Variants in CCDC85A observed in about 807,000 individuals in gnomAD.
CCDC85A encodes the protein coiled-coil domain-containing protein 85A.
Under a neutral mutation model 50.2 loss-of-function variants are expected in CCDC85A, and 38 were observed. That is an observed-to-expected ratio of 0.76 (90% CI 0.58 to 0.99). The LOEUF is 0.99. CCDC85A is among the 50% of genes least tolerant of loss of function. The pLI is 0.00. For synonymous variants in CCDC85A, 366 were observed against 301.4 expected (o/e 1.21, Z -2.22); for missense variants, 820 against 742.0 (o/e 1.11, Z -1.22).
Position 56,192,165 on chromosome 2 carries a change from A to T in CCDC85A, c.277-312A>T, listed in dbSNP as rs1234027500. On this transcript the variant is annotated intron_variant, in intron 1 of 5. Transcript: ENST00000407595. This position sits in a 1 kb window ranked among gnomAD's most constrained non-coding sequence, Gnocchi z 4.7. ...TTGGATGACATAATGCAAGTAAAGT[A>T]TTGTGCAGGGATAGAACTGATACTT... 6.6e-6 allele frequency among the ~76,000 whole-genome samples: 1 copy of T among 152,130 alleles called. No individual in the cohort carries two copies. The highest frequency in any genetic ancestry group is 1.5e-5 in the Non-Finnish European group (1 of 68,030).
intron 2 of CCDC85A, among the ~76,000 whole-genome samples, chr2:56,295,926 C>G (rs1392945691): frequency 6.6e-6 from 1 of 152,190 alleles, no homozygotes. Context: ...TTCTGCAAAT[C>G]TAGCTGACAG....
intron 3 of CCDC85A, among the ~76,000 whole-genome samples, chr2:56,363,015 A>G (rs975853590): frequency 1.3e-5 from 2 of 152,120 alleles, no homozygotes; most frequent in Non-Finnish European, 2.9e-5. Context: ...ATTTTGTTTT[A>G]ACTCTCTGTG....
intron 2 of CCDC85A, among the ~76,000 whole-genome samples, chr2:56,250,301 T>C (rs1173088755): frequency 6.6e-6 from 1 of 152,246 alleles, no homozygotes. Flanking sequence ...CCCTATGCTG[T>C]AATTGGCACA....
intron 3 of CCDC85A, among the ~76,000 whole-genome samples, chr2:56,367,779 A>G (rs1675874079): frequency 6.6e-6 from 1 of 152,194 alleles, no homozygotes; most frequent in Admixed American, 6.5e-5. Flanking sequence ...AAATATGTTG[A>G]CAAGCAAAGC....
intron 2 of CCDC85A, among the ~76,000 whole-genome samples, chr2:56,193,997 A>AT (rs564618275): frequency 3.7e-4 from 56 of 152,108 alleles, no homozygotes; most frequent in East Asian, 2.5e-3. Flanking sequence ...TACCTTAAGG[A>AT]TTTTTTTTCC....
rs1482884370 is a variant in CCDC85A, at chr2:56,184,747, C to A, written c.123C>A (p.Asp41Glu). The stretch of plus-strand genomic sequence containing the variant: ...TGGAGGACCTGTCCAAAGTGTCGGA[C>A]GAGGAGCTGCTGCAGTGGAGCAAGG... ...APVEDLSKVSDEELLQWSKEE... is the reference protein window; with the variant it reads ...APVEDLSKVSEEELLQWSKEE... The change falls in exon 1 of 6, where the codon GAC (aspartate) becomes GAA (glutamate). Residue 41 changes from aspartate (D) to glutamate (E), a missense_variant. Transcript: ENST00000407595. The A allele has an allele frequency of 3.9e-6, 6 of 1,543,796 alleles. No homozygotes were observed. The Admixed American group carries it at 9.8e-5, about 25-fold the overall frequency.
At chr2:56,292,485 C>G (rs911118560) in intron 2 of CCDC85A, among the ~76,000 whole-genome samples, 1 of 152,214 alleles carries the variant, frequency 6.6e-6, no homozygotes, top group Admixed American at 6.5e-5. Context: ...ACCTATAGAC[C>G]CCTCTGCCTT....
chr2:56,312,088 A>G (rs1000274743), intron 2 of CCDC85A, among the ~76,000 whole-genome samples: 1 of 152,146 alleles, frequency 6.6e-6, no homozygotes, highest in African/African-American at 2.4e-5. Context: ...CTATCTTTGA[A>G]TGAAGCGAAG....
chr2:56,307,067 G>C (rs117584579), intron 2 of CCDC85A, among the ~76,000 whole-genome samples: 1 of 151,918 alleles, frequency 6.6e-6, no homozygotes, highest in Non-Finnish European at 1.5e-5. Context: ...AAAAATTCAG[G>C]AACTACAGCC....
chr2:56,315,301 C>G (rs1488480711), intron 2 of CCDC85A, among the ~76,000 whole-genome samples: 1 of 152,080 alleles, frequency 6.6e-6, no homozygotes, highest in Non-Finnish European at 1.5e-5. Context: ...GGATAAATAA[C>G]TAAAGAACAG....
At chr2:56,336,207 T>A (rs771729556) in intron 2 of CCDC85A, among the ~76,000 whole-genome samples, 1 of 151,952 alleles carries the variant, frequency 6.6e-6, no homozygotes, top group Non-Finnish European at 1.5e-5. Context: ...CAGGCTGGAG[T>A]GCAATGACAC....
At chr2:56,303,418 A>G (rs994037005) in intron 2 of CCDC85A, among the ~76,000 whole-genome samples, 1 of 152,150 alleles carries the variant, frequency 6.6e-6, no homozygotes, top group African/African-American at 2.4e-5. Flanking sequence ...ACAGTACAGC[A>G]CAGAGTAAGT....
chr2:56,338,606 A>G (rs1674199613), intron 2 of CCDC85A, among the ~76,000 whole-genome samples: 1 of 152,066 alleles, frequency 6.6e-6, no homozygotes, highest in African/African-American at 2.4e-5. Context: ...ACTTTATTTT[A>G]TTCTATTTTA....
intron 2 of CCDC85A, among the ~76,000 whole-genome samples, chr2:56,296,241 C>A (rs573447110): frequency 6.6e-6 from 1 of 152,092 alleles, no homozygotes; most frequent in African/African-American, 2.4e-5. Flanking sequence ...GCTATTTTAA[C>A]AGCACCTGTG....
intron 3 of CCDC85A, among the ~76,000 whole-genome samples, chr2:56,359,253 C>A (rs1490145552): frequency 6.6e-6 from 1 of 152,094 alleles, no homozygotes; most frequent in Non-Finnish European, 1.5e-5. Flanking sequence ...GGTAGTTGAG[C>A]AAGAGGCAAG....
intron 2 of CCDC85A, among the ~76,000 whole-genome samples, chr2:56,302,436 A>T (rs1553408252): frequency 6.6e-6 from 1 of 152,162 alleles, no homozygotes; most frequent in Non-Finnish European, 1.5e-5. Context: ...TCAAGGGGAA[A>T]GCCACTGAAG....
At position 56,284,367 on chromosome 2, in the gene CCDC85A, G is replaced by A. The variant is rs371699440; in HGVS notation, c.1241-58512G>A. ...TCTTCAAGTCATATTGATTGATAAC[G>A]TTCAAATCTTCTTATTTTTTTTGAG... On this transcript the variant is annotated intron_variant, in intron 2 of 5. Transcript: ENST00000407595. Among the ~76,000 whole-genome samples, 11 of 152,132 alleles carry A rather than the reference G, an allele frequency of 7.2e-5. No individual in the cohort carries two copies. In the East Asian group the frequency reaches 7.7e-4, roughly 11 times the overall value.
intron 2 of CCDC85A, among the ~76,000 whole-genome samples, chr2:56,258,131 C>A (rs770123929): frequency 4.6e-5 from 7 of 151,966 alleles, no homozygotes; most frequent in Non-Finnish European, 8.8e-5. Flanking sequence ...TGTGAGAATG[C>A]AGGGGATGGA....
At chr2:56,228,737 G>C (rs1042761012) in intron 2 of CCDC85A, among the ~76,000 whole-genome samples, 1 of 152,160 alleles carries the variant, frequency 6.6e-6, no homozygotes, top group East Asian at 1.9e-4. Flanking sequence ...GTTTCACTGT[G>C]TTAGCCAGGA....
Sources: gnomAD v4.1 joint callset for allele counts (sites outside exome capture counted in the v4.1 genomes callset) on GRCh38, gnomAD v4.1.1 for gene constraint, Gnocchi (gnomAD v3.1) non-coding constraint, MANE v1.5 for transcripts, NCBI Gene and HGNC (gene_info 2026-07-23, HGNC 2026-07-21) for gene names.